The following CSMD1 variants were observed in gnomAD, a reference collection of about 807,000 sequenced individuals.
CSMD1 encodes the protein CUB and sushi domain-containing protein 1.
CSMD1 carries 213 observed loss-of-function variants against 417.5 expected under a neutral mutation model. That is an observed-to-expected ratio of 0.51 (90% CI 0.46 to 0.57). The LOEUF is 0.57. Among genes scored for constraint, CSMD1 ranks in the 20% least tolerant of loss-of-function variants. The probability of loss-of-function intolerance (pLI) is 0.00; values close to 1 mark genes in which losing one functional copy is unlikely to be tolerated. For missense variants in CSMD1, 6,923 were observed against 4,529.7 expected, an observed-to-expected ratio of 1.53 and a Z score of -15.17; for synonymous variants, 2,862 against 1,736.8, an observed-to-expected ratio of 1.65 and a Z score of -16.11.
At chr8:4,704,137 C>T (rs1165653870) in intron 1 of CSMD1, among the ~76,000 whole-genome samples, 1 of 152,164 alleles carries the variant, frequency 6.6e-6, no homozygotes, top group African/African-American at 2.4e-5. Context: ...AGGTGGGGAC[C>T]CGTGATCTAG....
intron 33 of CSMD1, among the ~76,000 whole-genome samples, chr8:3,199,425 C>G (rs755675422): frequency 9.2e-5 from 14 of 151,914 alleles, no homozygotes; most frequent in African/African-American, 3.4e-4. Flanking sequence ...AGTCATCTTA[C>G]GAGATGTGAA....
chr8:3,802,507 C>T (rs796778800), intron 5 of CSMD1, among the ~76,000 whole-genome samples: 1 of 152,128 alleles, frequency 6.6e-6, no homozygotes, highest in Non-Finnish European at 1.5e-5. Flanking sequence ...TGTGAGGTCA[C>T]TTTCTAAGCT....
chr8:4,455,566 C>T (rs1799416804), intron 2 of CSMD1, among the ~76,000 whole-genome samples: 1 of 152,078 alleles, frequency 6.6e-6, no homozygotes, highest in South Asian at 2.1e-4. Context: ...TGACCTCCTG[C>T]TTGTGAGATC....
chr8:3,305,036 TATTTA>T (rs1377909343), intron 25 of CSMD1, among the ~76,000 whole-genome samples: 4 of 152,182 alleles, frequency 2.6e-5, no homozygotes, highest in African/African-American at 7.2e-5. Context: ...TAAGGACTAA[TATTTA>T]ATTTAATTAA....
chr8:4,498,060 G>C (rs1293392299), intron 2 of CSMD1, among the ~76,000 whole-genome samples: 2 of 152,164 alleles, frequency 1.3e-5, no homozygotes, highest in Middle Eastern at 3.2e-3. Context: ...CTCCATGTGT[G>C]TGAGATACCC....
intron 3 of CSMD1, among the ~76,000 whole-genome samples, chr8:4,121,071 G>A (rs1314944798): frequency 6.6e-6 from 1 of 151,760 alleles, no homozygotes. Context: ...GACTGGGTCT[G>A]TTTGTCAAGG....
chr8:3,238,003 C>T (rs561389066), intron 26 of CSMD1, among the ~76,000 whole-genome samples: 157 of 150,826 alleles, frequency 1.0e-3, no homozygotes, highest in African/African-American at 3.7e-3. Context: ...CACTCGCGTC[C>T]GTGTGAAGAG....
At chr8:4,613,458 G>A (rs1044124526) in intron 2 of CSMD1, among the ~76,000 whole-genome samples, 1 of 152,108 alleles carries the variant, frequency 6.6e-6, no homozygotes, top group African/African-American at 2.4e-5. Context: ...CAAGTTTGCT[G>A]CACCTGTTCA....
chr8:3,396,961 A>T (rs1217717023), intron 16 of CSMD1, among the ~76,000 whole-genome samples: 3 of 152,170 alleles, frequency 2.0e-5, no homozygotes, highest in Non-Finnish European at 4.4e-5. Context: ...TTGCCATTTC[A>T]GACATGAAAG....
chr8:3,485,973 G>T (rs1250810502), intron 11 of CSMD1, among the ~76,000 whole-genome samples: 1 of 152,060 alleles, frequency 6.6e-6, no homozygotes, highest in Non-Finnish European at 1.5e-5. Flanking sequence ...AACACCAGGG[G>T]TTCAATGAGC....
In CSMD1 at chr8:4,761,040, G is replaced by C. The variant is rs115649399; in HGVS notation, c.86-123482C>G. ...TTGGTGTCAGAATACACAGTATGTT[G>C]TATCTCGGAGCCCAGAGTGATTATT... On this transcript the variant is annotated intron_variant, in intron 1 of 69. Transcript: ENST00000635120. Among the ~76,000 whole-genome samples, 535 of 152,078 alleles carry C rather than the reference G, an allele frequency of 3.5e-3. 2 individuals carry two copies. The highest frequency in any genetic ancestry group is 0.013 in the African/African-American group (519 of 41,502).
Position 4,863,772 on chromosome 8 carries a change from G to C in CSMD1, c.85+130560C>G, listed in dbSNP as rs1028114598. The stretch of plus-strand genomic sequence containing the variant: ...GTGCTTTTGATAAATGTGTTGATTT[G>C]TATATTTTCTTTACTTGGAGTACAT... On this transcript the variant is annotated intron_variant, in intron 1 of 69. Coordinates refer to ENST00000635120, the MANE Select transcript of CSMD1 (RefSeq NM_033225.6). 1.3e-4 allele frequency among the ~76,000 whole-genome samples: 19 copies of C among 151,936 alleles called. 2 individuals carry two copies. The highest frequency in any genetic ancestry group is 4.4e-4 in the African/African-American group (18 of 41,326).
intron 3 of CSMD1, among the ~76,000 whole-genome samples, chr8:4,094,215 A>G (rs911810373): frequency 6.6e-6 from 1 of 152,008 alleles, no homozygotes; most frequent in African/African-American, 2.4e-5. Context: ...GCTTGGCTGC[A>G]CTAGCTGCCC....
intron 3 of CSMD1, among the ~76,000 whole-genome samples, chr8:4,413,695 T>G (rs1302896088): frequency 2.0e-5 from 3 of 152,108 alleles, no homozygotes; most frequent in Non-Finnish European, 4.4e-5. Flanking sequence ...CAGTGAGTAT[T>G]TTCCAATGTC....
At chr8:3,613,976 C>T (rs372226271) in intron 8 of CSMD1, among the ~76,000 whole-genome samples, 1 of 151,636 alleles carries the variant, frequency 6.6e-6, no homozygotes, top group Non-Finnish European at 1.5e-5. Context: ...ATTAAAAATC[C>T]TTTTATTTGT....
At chr8:4,061,403 C>G (rs1044807142) in intron 3 of CSMD1, among the ~76,000 whole-genome samples, 1 of 152,192 alleles carries the variant, frequency 6.6e-6, no homozygotes, top group Non-Finnish European at 1.5e-5. Flanking sequence ...CAGATTAAAT[C>G]AGCTTCCTAG....
intron 3 of CSMD1, among the ~76,000 whole-genome samples, chr8:4,275,693 G>C (rs1210665550): frequency 6.6e-6 from 1 of 152,106 alleles, no homozygotes; most frequent in East Asian, 1.9e-4. Flanking sequence ...GCTTGTTTTA[G>C]TGATAATACT....
At chr8:4,945,920 T>C (rs911357854) in intron 1 of CSMD1, among the ~76,000 whole-genome samples, 1 of 152,096 alleles carries the variant, frequency 6.6e-6, no homozygotes, top group African/African-American at 2.4e-5. Context: ...GAAAACAGAA[T>C]GTTATCAAAC....
intron 1 of CSMD1, among the ~76,000 whole-genome samples, chr8:4,681,658 G>A (rs1193939457): frequency 2.6e-5 from 4 of 152,094 alleles, no homozygotes; most frequent in Non-Finnish European, 5.9e-5. Context: ...CGTCAATCCT[G>A]CTCTCATACA....
Sources: gnomAD v4.1 joint callset for allele counts (sites outside exome capture counted in the v4.1 genomes callset) on GRCh38, gnomAD v4.1.1 for gene constraint, MANE v1.5 for transcripts, NCBI Gene and HGNC (gene_info 2026-07-23, HGNC 2026-07-21) for gene names.